RAP1A: variants seen among roughly 807,000 people sequenced by gnomAD.
RAP1A encodes the protein ras-related protein Rap-1A.
In RAP1A, 6 loss-of-function variants were observed where a neutral mutation model predicts 26.4. The ratio of observed to expected loss-of-function variants is 0.23; its 90% CI spans 0.12 to 0.45. The LOEUF (loss-of-function observed/expected upper bound fraction) is 0.45, where lower values mean the gene tolerates loss of function less well. Ranked by LOEUF, RAP1A falls within the 20% of genes least tolerant of loss-of-function variation. The pLI is 0.99. For synonymous variants in RAP1A, 73 were observed against 79.4 expected, an observed-to-expected ratio of 0.92 and a Z score of 0.43; for missense variants, 121 against 217.2, an observed-to-expected ratio of 0.56 and a Z score of 2.78.
At chr1:111,596,175 G>C (rs1658560384) in intron 1 of RAP1A, among the ~76,000 whole-genome samples, 1 of 152,154 alleles carries the variant, frequency 6.6e-6, no homozygotes, top group Non-Finnish European at 1.5e-5. Flanking sequence ...CTGGGATCCA[G>C]GAGTCACCAT....
At chr1:111,654,272 T>G (rs1423561147) in intron 1 of RAP1A, among the ~76,000 whole-genome samples, 2 of 152,242 alleles carry the variant, frequency 1.3e-5, no homozygotes, top group Admixed American at 1.3e-4. Flanking sequence ...AAAGTGTCTA[T>G]CAGGTTTTGT....
intron 1 of RAP1A, among the ~76,000 whole-genome samples, chr1:111,651,742 G>A (rs1047647193): frequency 1.3e-5 from 2 of 152,030 alleles, no homozygotes; most frequent in African/African-American, 4.8e-5. Context: ...CTCCCAAAGT[G>A]CTGGGATTAC....
chr1:111,619,914 A>C lies in RAP1A; in HGVS notation c.-48A>C. ...GAGGTGGAGGAGGTGGAGGAGGTGG[A>C]GGAGGCGCCGGACCGGGGGGGTGAG... On this transcript the variant is annotated 5_prime_UTR_variant, in exon 1 of 8. Transcript: ENST00000369709. 2.7e-6 allele frequency: 1 copy of C among 371,406 alleles called. No homozygotes were observed. The allele number at this position is 371,406 out of a possible 1,614,324, so 23.0% of individuals were successfully genotyped here. A position where few individuals can be genotyped will look rare whatever the true frequency, so the allele number is the denominator to read the frequency against.
intron 1 of RAP1A, among the ~76,000 whole-genome samples, chr1:111,652,704 A>G (rs530406435): frequency 5.9e-5 from 9 of 152,218 alleles, no homozygotes; most frequent in African/African-American, 2.2e-4. Flanking sequence ...AATTTAGGGG[A>G]AAAAAGGACA....
At chr1:111,542,298 G>A (rs979215437) in exon 1 of RAP1A, 4 of 536,302 alleles carry the variant, frequency 7.5e-6, no homozygotes, top group Admixed American at 2.0e-5. Flanking sequence ...TCGAACACAC[G>A]CGACAAGAGC....
At chr1:111,681,956 G>A (rs530584708) in intron 1 of RAP1A, among the ~76,000 whole-genome samples, 4 of 152,266 alleles carry the variant, frequency 2.6e-5, no homozygotes, top group East Asian at 1.9e-4. Context: ...GAAAGATCAC[G>A]TTACCCACAA....
chr1:111,591,814 T>C (rs905857608), intron 1 of RAP1A, among the ~76,000 whole-genome samples: 2 of 152,218 alleles, frequency 1.3e-5, no homozygotes, highest in African/African-American at 4.8e-5. Flanking sequence ...GTAAAATGGT[T>C]TGCACATAGC....
chr1:111,603,812 C>T (rs1658716747), intron 1 of RAP1A, among the ~76,000 whole-genome samples: 1 of 151,888 alleles, frequency 6.6e-6, no homozygotes, highest in South Asian at 2.1e-4. Flanking sequence ...TTTAACAAAA[C>T]AAAAAAAATT....
chr1:111,671,709 A>G (rs955579520), intron 1 of RAP1A, among the ~76,000 whole-genome samples: 1 of 152,150 alleles, frequency 6.6e-6, no homozygotes, highest in African/African-American at 2.4e-5. Context: ...CCTAACCTGA[A>G]GCGATCCACC....
intron 1 of RAP1A, among the ~76,000 whole-genome samples, chr1:111,677,367 C>T (rs940273391): frequency 2.0e-5 from 3 of 148,500 alleles, no homozygotes; most frequent in Non-Finnish European, 4.4e-5. Context: ...ATGTCTTTTA[C>T]ACATTGAATT....
At chr1:111,586,234 G>T (rs887231952) in intron 1 of RAP1A, among the ~76,000 whole-genome samples, 2 of 152,136 alleles carry the variant, frequency 1.3e-5, no homozygotes, top group Non-Finnish European at 2.9e-5. Flanking sequence ...AGCTCAACAT[G>T]TTATTACCAA....
At chr1:111,624,746 C>T (rs142601971) in intron 1 of RAP1A, among the ~76,000 whole-genome samples, 405 of 152,170 alleles carry the variant, frequency 2.7e-3, no homozygotes, top group African/African-American at 9.1e-3. Flanking sequence ...CAGGAAATAA[C>T]GTGCGTTTAT....
chr1:111,631,880 A>C (rs1016177165), intron 1 of RAP1A, among the ~76,000 whole-genome samples: 5 of 150,760 alleles, frequency 3.3e-5, no homozygotes, highest in African/African-American at 1.2e-4. Flanking sequence ...TTGTTAACTG[A>C]GTAATTTGTA....
chr1:111,697,682 CA>C (rs1661879261), intron 4 of RAP1A, among the ~76,000 whole-genome samples, 185 bp downstream of exon 4: 1 of 152,088 alleles, frequency 6.6e-6, no homozygotes, highest in Non-Finnish European at 1.5e-5. Flanking sequence ...TCACATATCA[CA>C]AAGTTCACCT....
At chr1:111,605,133 T>C (rs1234744036) in intron 1 of RAP1A, among the ~76,000 whole-genome samples, 2 of 152,196 alleles carry the variant, frequency 1.3e-5, no homozygotes, top group African/African-American at 4.8e-5. Context: ...ACCCAGACTA[T>C]GCTGTGAAGT....
Position 111,678,794 on chromosome 1 carries a change from A to T in RAP1A, c.-27-12540A>T, listed in dbSNP as rs190864132. ...TTTTTGTATCAACTTTTTATCCTGC[A>T]ACTTCGCTAAATTCACTTGTTAGTC... On this transcript the variant is annotated intron_variant, in intron 1 of 7. Transcript: ENST00000369709. Among the ~76,000 whole-genome samples, 3 of 151,864 alleles carry T rather than the reference A, an allele frequency of 2.0e-5. No individual in the cohort carries two copies. In the East Asian group the frequency reaches 5.8e-4, roughly 29 times the overall value.
chr1:111,668,151 T>C (rs936295109), intron 1 of RAP1A, among the ~76,000 whole-genome samples: 2 of 152,242 alleles, frequency 1.3e-5, no homozygotes, highest in African/African-American at 4.8e-5. Flanking sequence ...AATCACACTT[T>C]TTGGGTTAGC....
rs546331292 is a variant in RAP1A, at chr1:111,630,791, G to A, written c.-28+10857G>A. The stretch of plus-strand genomic sequence containing the variant: ...AACAAAAAGACCCTTGTCATCACAA[G>A]GCTAGGAAAAGCCTGGTAGATGAGG... On this transcript the variant is annotated intron_variant, in intron 1 of 7. Transcript: ENST00000369709. 4.6e-5 allele frequency among the ~76,000 whole-genome samples: 7 copies of A among 152,330 alleles called. No homozygotes were observed. The South Asian group carries it at 8.3e-4, about 18-fold the overall frequency.
At chr1:111,615,674 T>TA (rs1404299308), upstream of RAP1A, among the ~76,000 whole-genome samples, 9 of 151,620 alleles carry the variant, frequency 5.9e-5, no homozygotes, top group South Asian at 1.5e-3. Flanking sequence ...CTACTAAAAA[T>TA]AAAAAAATTA....
Sources: allele counts gnomAD v4.1 joint callset (sites outside exome capture counted in the v4.1 genomes callset), GRCh38; gene constraint gnomAD v4.1.1; transcripts MANE v1.5; gene names NCBI Gene and HGNC (gene_info 2026-07-23, HGNC 2026-07-21).